STK32A: variants seen among roughly 807,000 people sequenced by gnomAD.
STK32A encodes the protein serine/threonine kinase 32A.
A neutral mutation model predicts 53.2 loss-of-function variants in STK32A; 41 were observed. That is an observed-to-expected ratio of 0.77 (90% CI 0.60 to 1.00). The LOEUF (loss-of-function observed/expected upper bound fraction) is 1.00, where lower values mean the gene tolerates loss of function less well. Ranked by LOEUF, STK32A falls within the 50% of genes least tolerant of loss-of-function variation. STK32A has a pLI of 0.00. For missense variants in STK32A, 458 were observed against 485.8 expected (o/e 0.94, Z 0.54); for synonymous variants, 166 against 162.8 (o/e 1.02, Z -0.15).
chr5:147,270,864 A>T (rs964122561), intron 2 of STK32A, among the ~76,000 whole-genome samples: 4 of 152,220 alleles, frequency 2.6e-5, no homozygotes, highest in Admixed American at 2.0e-4. Flanking sequence ...ATCTTTGAAG[A>T]GCCAGTTAAT....
chr5:147,294,972 C>T lies in STK32A; in HGVS notation c.260+15574C>T, dbSNP rs184878753. Among the ~76,000 whole-genome samples, 309 of 152,258 alleles carry T rather than the reference C, an allele frequency of 2.0e-3. 1 individual carries two copies. The highest frequency in any genetic ancestry group is 6.8e-3 in the African/African-American group (284 of 41,548). ...TGCTGGGATAACAGGCATGAGCCAC[C>T]GCGTCTGGCCATATCTAGTCATTTA... On this transcript the variant is annotated intron_variant, in intron 4 of 12. Coordinates refer to ENST00000397936, the MANE Select transcript of STK32A (RefSeq NM_001112724.2).
chr5:147,359,187 G>A (rs953933558), intron 7 of STK32A, among the ~76,000 whole-genome samples: 1 of 152,118 alleles, frequency 6.6e-6, no homozygotes, highest in Non-Finnish European at 1.5e-5. Context: ...CTTCTGGAAG[G>A]GTTGGTGAAA....
At chr5:147,286,386 G>A (rs1342452887) in intron 4 of STK32A, among the ~76,000 whole-genome samples, 1 of 152,122 alleles carries the variant, frequency 6.6e-6, no homozygotes, top group African/African-American at 2.4e-5. Flanking sequence ...ACTTACCCAT[G>A]TAACCAAAAC....
intron 4 of STK32A, among the ~76,000 whole-genome samples, chr5:147,293,726 T>C (rs1752722483): frequency 6.6e-6 from 1 of 151,846 alleles, no homozygotes; most frequent in Admixed American, 6.6e-5. Flanking sequence ...TGAGGCAAAC[T>C]CTTCCCTCCT....
chr5:147,393,403 GA>G, the STK32A span: 1 of 152,282 alleles, frequency 6.6e-6, no homozygotes, highest in Admixed American at 6.5e-5. Context: ...AACGTTCAAA[GA>G]AACAAAATTT....
chr5:147,324,163 T>C (rs74909341), intron 5 of STK32A, 92 bp downstream of exon 5: 2 of 1,255,678 alleles, frequency 1.6e-6, no homozygotes, highest in East Asian at 2.6e-5. Context: ...GAACATGACA[T>C]TTAATCCCCG....
chr5:147,253,002 G>T (rs1754064455), intron 2 of STK32A, among the ~76,000 whole-genome samples: 2 of 152,076 alleles, frequency 1.3e-5, no homozygotes, highest in South Asian at 4.1e-4. Context: ...ATATACTTTT[G>T]TATCCTCATT....
In STK32A at chr5:147,245,002, A is replaced by G. The variant is rs553151087; in HGVS notation, c.52+5316A>G. ...TGCAACTCTGTCGATTCCACAGTTA[A>G]TTAGACCTATTCATGTTTCTATTGA... On this transcript the variant is annotated intron_variant, in intron 2 of 12. Coordinates refer to ENST00000397936, the MANE Select transcript of STK32A (RefSeq NM_001112724.2). 4.2e-4 allele frequency among the ~76,000 whole-genome samples: 64 copies of G among 152,334 alleles called. 1 individual carries two copies. In the South Asian group the frequency reaches 0.013, roughly 31 times the overall value.
intron 4 of STK32A, among the ~76,000 whole-genome samples, chr5:147,301,739 G>A (rs978925206): frequency 2.0e-5 from 3 of 152,164 alleles, no homozygotes; most frequent in Admixed American, 1.3e-4. Flanking sequence ...CATAGATTTA[G>A]TATCTTACAA....
intron 4 of STK32A, among the ~76,000 whole-genome samples, chr5:147,282,988 T>TA (rs1438924694): frequency 6.6e-6 from 1 of 152,142 alleles, no homozygotes; most frequent in Non-Finnish European, 1.5e-5. Context: ...AACTGCAGAA[T>TA]ACACATTCTA....
chr5:147,256,511 T>C (rs115897842), intron 2 of STK32A, among the ~76,000 whole-genome samples: 3,166 of 152,226 alleles, frequency 0.021, 103 homozygotes, highest in African/African-American at 0.067. Flanking sequence ...GTTTTTTTGT[T>C]GTTTTGTTTT....
At chr5:147,285,333 C>T (rs1752277509) in intron 4 of STK32A, among the ~76,000 whole-genome samples, 1 of 152,102 alleles carries the variant, frequency 6.6e-6, no homozygotes. Context: ...AACCTAAGAC[C>T]TGAAACTATA....
chr5:147,373,722 C>T (rs1757108141), intron 10 of STK32A, among the ~76,000 whole-genome samples: 1 of 152,050 alleles, frequency 6.6e-6, no homozygotes, highest in Admixed American at 6.6e-5. Flanking sequence ...TTTATTTTAG[C>T]ATTTGCCCCT....
chr5:147,314,262 C>A (rs1022551276), intron 4 of STK32A, among the ~76,000 whole-genome samples: 2 of 151,950 alleles, frequency 1.3e-5, no homozygotes, highest in Non-Finnish European at 2.9e-5. Context: ...AATCGGGAGG[C>A]CAAGGTGGGT....
At chr5:147,394,146 A>G in the STK32A span, 3 of 1,610,040 alleles carry the variant, frequency 1.9e-6, no homozygotes, top group South Asian at 1.1e-5. Context: ...ATAAATTCCC[A>G]GGGGGAAAAA....
Position 147,323,923 on chromosome 5 carries a change from A to G in STK32A, c.286A>G (p.Met96Val), listed in dbSNP as rs1754443144. Residue 96 changes from methionine (M) to valine (V), a missense_variant, in exon 5 of 13, where the codon ATG (methionine) becomes GTG (valine). Coordinates refer to ENST00000397936, the MANE Select transcript of STK32A (RefSeq NM_001112724.2). ...LWYSFQDEEDMFMVVDLLLGG... is the reference protein window; with the variant it reads ...LWYSFQDEEDVFMVVDLLLGG... ...GTATTCCTTCCAAGATGAGGAAGAC[A>G]TGTTCATGGTGGTGGACCTCCTGCT... The G allele has an allele frequency of 6.2e-7, 1 of 1,613,598 alleles. No individual in the cohort carries two copies. The highest frequency in any genetic ancestry group is 8.5e-7 in the Non-Finnish European group (1 of 1,179,824).
intron 7 of STK32A, among the ~76,000 whole-genome samples, chr5:147,351,738 T>G (rs1194692459): frequency 2.6e-5 from 4 of 152,064 alleles, no homozygotes; most frequent in Non-Finnish European, 5.9e-5. Flanking sequence ...TCCCAGCTAC[T>G]CGGGGGGCTG....
the STK32A span, chr5:147,401,676 G>A: frequency 1.2e-6 from 2 of 1,614,100 alleles, no homozygotes; most frequent in African/African-American, 2.7e-5. Flanking sequence ...GCAGTGATGG[G>A]CTCACCAAAG....
intron 4 of STK32A, among the ~76,000 whole-genome samples, chr5:147,288,304 C>A (rs778635044): frequency 2.6e-5 from 4 of 152,186 alleles, no homozygotes; most frequent in Non-Finnish European, 5.9e-5. Flanking sequence ...CTTCACAAAT[C>A]TGTATCATTC....
Sources: allele counts gnomAD v4.1 joint callset (sites outside exome capture counted in the v4.1 genomes callset), GRCh38; gene constraint gnomAD v4.1.1; transcripts MANE v1.5; gene names NCBI Gene and HGNC (gene_info 2026-07-23, HGNC 2026-07-21).